Variants in EPS8 observed in about 807,000 individuals in gnomAD.
EPS8 encodes the protein EGFR pathway substrate 8, signaling adaptor.
In EPS8, 42 loss-of-function variants were observed where a neutral mutation model predicts 103.8. The ratio of observed to expected loss-of-function variants is 0.40; its 90% CI spans 0.32 to 0.52. The LOEUF (loss-of-function observed/expected upper bound fraction) is 0.52, where lower values mean the gene tolerates loss of function less well. EPS8 is among the 20% of genes least tolerant of loss of function. The probability of loss-of-function intolerance (pLI) is 0.40; values close to 1 mark genes in which losing one functional copy is unlikely to be tolerated. For missense variants in EPS8, 969 were observed against 1,005.1 expected, an observed-to-expected ratio of 0.96 and a Z score of 0.49; for synonymous variants, 344 against 344.6, an observed-to-expected ratio of 1.00 and a Z score of 0.02.
chr12:15,782,568 C>G (rs957129307), intron 1 of EPS8, among the ~76,000 whole-genome samples: 7 of 151,774 alleles, frequency 4.6e-5, no homozygotes, highest in Non-Finnish European at 8.8e-5. Context: ...ATAACAAAAA[C>G]ATTAAGAAAA....
intron 18 of EPS8, among the ~76,000 whole-genome samples, chr12:15,628,131 AAG>A (rs1944981340): frequency 2.6e-5 from 4 of 151,960 alleles, no homozygotes; most frequent in Admixed American, 6.6e-5. Context: ...TAGAGAGAGT[AAG>A]AGAGAATACT....
intron 1 of EPS8, among the ~76,000 whole-genome samples, chr12:15,753,307 T>C (rs1226978348): frequency 6.6e-6 from 1 of 152,156 alleles, no homozygotes; most frequent in Non-Finnish European, 1.5e-5. Flanking sequence ...ATCATAATCA[T>C]AGAAATCAAA....
rs1459751685 is a variant in EPS8, at chr12:15,690,699, C to T, written c.-21-7727G>A. Among the ~76,000 whole-genome samples, 5 of 152,146 alleles carry T rather than the reference C, an allele frequency of 3.3e-5. No homozygotes were observed. The highest frequency in any genetic ancestry group is 1.2e-4 in the African/African-American group (5 of 41,426). On this transcript the variant is annotated intron_variant, in intron 1 of 20. Transcript: ENST00000281172. This position sits in a 1 kb window ranked among gnomAD's most constrained non-coding sequence, Gnocchi z 4.7. ...GTTGTATACTTTTCTAGGTATCAGACTGTATCAAGAGCAAAATGTATAACT... is the reference window on the plus strand; with the variant it reads ...GTTGTATACTTTTCTAGGTATCAGATTGTATCAAGAGCAAAATGTATAACT...
rs536390568 is a variant in EPS8, at chr12:15,624,244, T to C, written c.2208A>G (p.Ser736=). The C allele has an allele frequency of 6.2e-6, 10 of 1,613,572 alleles. No individual in the cohort carries two copies. The highest frequency in any genetic ancestry group is 1.3e-5 in the African/African-American group (1 of 75,040). The change falls in exon 19 of 21, where the codon TCA becomes TCG. Residue 736 remains serine, a synonymous_variant. Coordinates refer to ENST00000281172, the MANE Select transcript of EPS8 (RefSeq NM_004447.6). The part of the protein sequence containing the change: ...TPEDVKTWLQ[S]KGFNPVTVNS... The stretch of plus-strand genomic sequence containing the variant: ...AGACTCACACAGGGTTGAATCCCTT[T>C]GACTGTAACCACGTCTTCACATCCT...
intron 8 of EPS8, chr12:15,662,841 G>A (rs1945629309): frequency 6.2e-6 from 1 of 161,718 alleles, no homozygotes; most frequent in African/African-American, 2.4e-5. Flanking sequence ...TATATGGATG[G>A]AACAACAGAA....
At chr12:15,634,154 T>G (rs1468214831) in intron 17 of EPS8, among the ~76,000 whole-genome samples, 1 of 152,164 alleles carries the variant, frequency 6.6e-6, no homozygotes, top group African/African-American at 2.4e-5. Context: ...GCCTGAGACT[T>G]TCCCAGTAAT....
At chr12:15,746,664 C>T (rs1040618277) in intron 1 of EPS8, among the ~76,000 whole-genome samples, 1 of 152,132 alleles carries the variant, frequency 6.6e-6, no homozygotes, top group Non-Finnish European at 1.5e-5. Flanking sequence ...AGCTTGGGTT[C>T]CAGCCCCAGT....
rs554355620 is a variant in EPS8 at position 15,701,974 on chromosome 12, A to C, written c.-21-19002T>G. On this transcript the variant is annotated intron_variant, in intron 1 of 20. Coordinates refer to ENST00000281172, the MANE Select transcript of EPS8 (RefSeq NM_004447.6). This position sits in a 1 kb window ranked among gnomAD's most constrained non-coding sequence, Gnocchi z 5.1. ...CTTTTAGATGTCAAGTCAGCTAATA[A>C]GTATTCACTCATATTTATAACTGGT... Among the ~76,000 whole-genome samples, 22 of 152,250 alleles carry C rather than the reference A, an allele frequency of 1.4e-4. No individual in the cohort carries two copies. The highest frequency in any genetic ancestry group is 2.4e-4 in the Non-Finnish European group (16 of 68,042).
intron 6 of EPS8, among the ~76,000 whole-genome samples, chr12:15,668,865 T>C (rs1449089136): frequency 6.6e-6 from 1 of 152,164 alleles, no homozygotes; most frequent in Non-Finnish European, 1.5e-5. Context: ...ATTTAATATA[T>C]TATCTACACT....
chr12:15,721,211 A>G lies in EPS8; in HGVS notation c.-21-38239T>C, dbSNP rs1351992019. Among the ~76,000 whole-genome samples, 2 of 152,338 alleles carry G rather than the reference A, an allele frequency of 1.3e-5. No individual in the cohort carries two copies. The highest frequency in any genetic ancestry group is 3.9e-4 in the East Asian group (2 of 5,178). ...TACTATAACACAAATACCACAACAG[A>G]GTAACTCAAACTTTTCCCATTCACA... On this transcript the variant is annotated intron_variant, in intron 1 of 20. Transcript: ENST00000281172. This position sits in a 1 kb window ranked among gnomAD's most constrained non-coding sequence, Gnocchi z 4.4.
chr12:15,680,375 T>A (rs1477569424), intron 3 of EPS8, among the ~76,000 whole-genome samples: 1 of 152,186 alleles, frequency 6.6e-6, no homozygotes, highest in Admixed American at 6.5e-5. Flanking sequence ...TACAGTGTTT[T>A]CTACTTGCCA....
In EPS8 at chr12:15,745,068, G is replaced by A. The variant is rs1946862425; in HGVS notation, c.-22+44093C>T. 6.6e-6 allele frequency among the ~76,000 whole-genome samples: 1 copy of A among 151,980 alleles called. No homozygotes were observed. The highest frequency in any genetic ancestry group is 1.5e-5 in the Non-Finnish European group (1 of 67,986). On this transcript the variant is annotated intron_variant, in intron 1 of 20. Coordinates refer to ENST00000281172, the MANE Select transcript of EPS8 (RefSeq NM_004447.6). This position sits in a 1 kb window ranked among gnomAD's most constrained non-coding sequence, Gnocchi z 4.6. ...TAGTAGAGATGGGTTTCACCACGTT[G>A]GACAGGATGGTCTCGATCTCCTGAC...
At position 15,779,932 on chromosome 12, in the gene EPS8, T is replaced by C. The variant is rs897625778; in HGVS notation, c.-22+9229A>G. ...CAGGACTAGATCTGGCTTCATAGAT[T>C]ATTACATTCTTTTGTTGCTATGCTA... On this transcript the variant is annotated intron_variant, in intron 1 of 20. Coordinates refer to ENST00000281172, the MANE Select transcript of EPS8 (RefSeq NM_004447.6). This position sits in a 1 kb window ranked among gnomAD's most constrained non-coding sequence, Gnocchi z 4.3. The C allele has an allele frequency of 6.6e-6, 1 of 152,230 alleles. No individual in the cohort carries two copies. The highest frequency in any genetic ancestry group is 1.5e-5 in the Non-Finnish European group (1 of 68,046). The allele number at this position is 152,230 out of a possible 1,614,324, so 9.4% of individuals were successfully genotyped here. A position where few individuals can be genotyped will look rare whatever the true frequency, so the allele number is the denominator to read the frequency against.
At chr12:15,640,449 G>GA (rs980815400) in intron 17 of EPS8, among the ~76,000 whole-genome samples, 9 of 152,038 alleles carry the variant, frequency 5.9e-5, no homozygotes, top group Admixed American at 3.3e-4. Flanking sequence ...ACAGATTGGG[G>GA]AAAAAAAGCA....
intron 17 of EPS8, among the ~76,000 whole-genome samples, chr12:15,631,993 T>C (rs1040556147): frequency 2.8e-4 from 42 of 152,304 alleles, no homozygotes; most frequent in African/African-American, 9.9e-4. Flanking sequence ...TTTATAATTA[T>C]TTTTTAATTT....
rs1343148882 is a variant in EPS8, at chr12:15,760,606, C to G, written c.-22+28555G>C. Among the ~76,000 whole-genome samples, 6 of 152,188 alleles carry G rather than the reference C, an allele frequency of 3.9e-5. No individual in the cohort carries two copies. The East Asian group carries it at 1.2e-3, about 29-fold the overall frequency. ...CCTTTAAAAGATCATTCATCATAACCAGGTGGGATAAATCCCACCAATACA... is the reference window on the plus strand; with the variant it reads ...CCTTTAAAAGATCATTCATCATAACGAGGTGGGATAAATCCCACCAATACA... On this transcript the variant is annotated intron_variant, in intron 1 of 20. Coordinates refer to ENST00000281172, the MANE Select transcript of EPS8 (RefSeq NM_004447.6). The surrounding 1 kb of genome is among the most constrained non-coding windows in gnomAD (Gnocchi z 4.5).
chr12:15,763,586 G>C (rs187124147), intron 1 of EPS8, among the ~76,000 whole-genome samples: 6 of 152,280 alleles, frequency 3.9e-5, no homozygotes, highest in Admixed American at 2.0e-4. Context: ...AAAAGACTCA[G>C]AGATTCTCAA....
intron 4 of EPS8, among the ~76,000 whole-genome samples, 160 bp from the exon 5 acceptor site, chr12:15,669,985 A>C (rs1159764014): frequency 6.6e-6 from 1 of 152,232 alleles, no homozygotes; most frequent in Non-Finnish European, 1.5e-5. Flanking sequence ...TTAATGAGAG[A>C]ATAAAGCCAA....
intron 13 of EPS8, among the ~76,000 whole-genome samples, chr12:15,653,796 T>TGCGC (rs1259781432): frequency 3.3e-5 from 5 of 151,950 alleles, no homozygotes; most frequent in African/African-American, 7.2e-5. Flanking sequence ...GCAAGCACTG[T>TGCGC]GCGCGCGCGC....
Sources: gnomAD v4.1 joint callset for allele counts (sites outside exome capture counted in the v4.1 genomes callset) on GRCh38, gnomAD v4.1.1 for gene constraint, Gnocchi (gnomAD v3.1) non-coding constraint, MANE v1.5 for transcripts, NCBI Gene and HGNC (gene_info 2026-07-23, HGNC 2026-07-21) for gene names.